The following CSMD3 variants were observed in gnomAD, a reference collection of about 807,000 sequenced individuals.
The protein encoded by CSMD3 is CUB and sushi domain-containing protein 3.
A neutral mutation model predicts 435.2 loss-of-function variants in CSMD3; 177 were observed. That is an observed-to-expected ratio of 0.41 (90% confidence interval 0.36 to 0.46). The LOEUF is 0.46. CSMD3 is among the 20% of genes least tolerant of loss of function. The pLI is 0.34. For synonymous variants in CSMD3, 1,656 were observed against 1,520.5 expected (o/e 1.09, Z -2.07); for missense variants, 4,265 against 4,504.6 (o/e 0.95, Z 1.52).
intron 13 of CSMD3, among the ~76,000 whole-genome samples, chr8:112,694,752 C>T (rs2076215238): frequency 6.6e-6 from 1 of 152,038 alleles, no homozygotes; most frequent in South Asian, 2.1e-4. Context: ...AATCACCATG[C>T]TATTGTGGAG....
intron 13 of CSMD3, among the ~76,000 whole-genome samples, chr8:112,735,454 A>T (rs2132031792): frequency 6.6e-6 from 1 of 152,174 alleles, no homozygotes; most frequent in South Asian, 2.1e-4. Flanking sequence ...GTTAATTGAA[A>T]GTATTCTGTA....
chr8:113,325,245 G>A (rs1483171413), intron 1 of CSMD3, among the ~76,000 whole-genome samples: 1 of 151,962 alleles, frequency 6.6e-6, no homozygotes, highest in Non-Finnish European at 1.5e-5. Flanking sequence ...AGGGGCCAGG[G>A]GCAGAAAAAT....
At chr8:112,410,428 A>T (rs890781262) in intron 32 of CSMD3, among the ~76,000 whole-genome samples, 1 of 148,854 alleles carries the variant, frequency 6.7e-6, no homozygotes, top group African/African-American at 2.5e-5. Flanking sequence ...AACATTTTGA[A>T]TTCAGACCTT....
intron 10 of CSMD3, among the ~76,000 whole-genome samples, chr8:112,909,597 A>C (rs2082352808): frequency 6.6e-6 from 1 of 151,730 alleles, no homozygotes; most frequent in South Asian, 2.1e-4. Context: ...TGGTTATTTA[A>C]TTTTCTTCTC....
chr8:112,660,332 T>C (rs1268028378), intron 17 of CSMD3, among the ~76,000 whole-genome samples: 1 of 152,186 alleles, frequency 6.6e-6, no homozygotes. Flanking sequence ...TTCAAAGTGA[T>C]TATTTTATGT....
At chr8:112,416,328 G>A (rs999380777) in intron 32 of CSMD3, among the ~76,000 whole-genome samples, 7 of 152,122 alleles carry the variant, frequency 4.6e-5, no homozygotes, top group African/African-American at 1.7e-4. Context: ...GAAAGTGCCT[G>A]CTTCTCCTTT....
intron 32 of CSMD3, among the ~76,000 whole-genome samples, chr8:112,453,662 A>G (rs1440932330): frequency 6.6e-6 from 1 of 152,228 alleles, no homozygotes; most frequent in Non-Finnish European, 1.5e-5. Flanking sequence ...TGGAAGGGTC[A>G]ATATTGTTAA....
At chr8:113,332,426 T>C (rs1331699337) in intron 1 of CSMD3, among the ~76,000 whole-genome samples, 4 of 151,210 alleles carry the variant, frequency 2.6e-5, no homozygotes, top group Non-Finnish European at 5.9e-5. Context: ...GAAAAACAAA[T>C]TCAGCAAGGT....
chr8:112,879,780 T>C (rs1323825050), intron 10 of CSMD3, among the ~76,000 whole-genome samples: 2 of 152,044 alleles, frequency 1.3e-5, no homozygotes, highest in Non-Finnish European at 2.9e-5. Flanking sequence ...GGGACATCAA[T>C]GAAGCTGGAA....
At chr8:112,603,470 A>T (rs1832538773) in intron 22 of CSMD3, among the ~76,000 whole-genome samples, 1 of 152,192 alleles carries the variant, frequency 6.6e-6, no homozygotes, top group Non-Finnish European at 1.5e-5. Context: ...TTATTACTCT[A>T]GTACAGTATG....
At chr8:112,497,790 A>C (rs1821514799) in intron 30 of CSMD3, among the ~76,000 whole-genome samples, 1 of 152,080 alleles carries the variant, frequency 6.6e-6, no homozygotes, top group Non-Finnish European at 1.5e-5. Flanking sequence ...ATTACAGAGG[A>C]AACATTTACC....
chr8:112,315,185 A>G (rs1563778301), intron 47 of CSMD3, among the ~76,000 whole-genome samples: 1 of 151,952 alleles, frequency 6.6e-6, no homozygotes, highest in Non-Finnish European at 1.5e-5. Flanking sequence ...TCTCCAGCCC[A>G]TAAATGTAGC....
intron 4 of CSMD3, among the ~76,000 whole-genome samples, chr8:113,120,145 A>G (rs2090946710): frequency 2.0e-5 from 3 of 152,048 alleles, no homozygotes; most frequent in African/African-American, 7.2e-5. Context: ...TGAGGTTATA[A>G]TGAATTCATC....
chr8:112,593,045 C>T (rs566183505), intron 22 of CSMD3, among the ~76,000 whole-genome samples: 15 of 152,174 alleles, frequency 9.9e-5, no homozygotes, highest in African/African-American at 2.2e-4. Context: ...TGGTTCCAAA[C>T]GTAATCAAAT....
In CSMD3 at chr8:112,381,597, T is replaced by C. The variant is rs573414073; in HGVS notation, c.6032-1141A>G. 2.6e-5 allele frequency among the ~76,000 whole-genome samples: 4 copies of C among 152,330 alleles called. 1 individual carries two copies. The South Asian group carries it at 8.3e-4, about 32-fold the overall frequency. On this transcript the variant is annotated intron_variant, in intron 37 of 70. Transcript: ENST00000297405. The stretch of plus-strand genomic sequence containing the variant: ...GCAACTTTGTGGACCTCACCCCTGA[T>C]GTCTTCTATGGAAGAACAGAAAGAA...
intron 1 of CSMD3, among the ~76,000 whole-genome samples, chr8:113,336,807 A>G (rs62521100): frequency 0.3 from 45,876 of 151,920 alleles, 8,033 homozygotes; most frequent in East Asian, 0.7. Flanking sequence ...CAGTGTTTAC[A>G]CTGACACTGC....
intron 1 of CSMD3, among the ~76,000 whole-genome samples, chr8:113,398,417 A>T (rs975804430): frequency 6.6e-6 from 1 of 152,132 alleles, no homozygotes; most frequent in African/African-American, 2.4e-5. Flanking sequence ...AATTACTGTA[A>T]CACTATAGTG....
At chr8:113,301,594 T>G (rs1248493549) in intron 2 of CSMD3, among the ~76,000 whole-genome samples, 1 of 152,030 alleles carries the variant, frequency 6.6e-6, no homozygotes, top group East Asian at 1.9e-4. Flanking sequence ...CTATACATTT[T>G]AGTTCTTCTA....
At chr8:112,270,719 T>A (rs902389666) in intron 59 of CSMD3, among the ~76,000 whole-genome samples, 1 of 152,256 alleles carries the variant, frequency 6.6e-6, no homozygotes, top group East Asian at 1.9e-4. Context: ...TAAGAAAACA[T>A]GCTCTAATAT....
Sources: allele counts gnomAD v4.1 joint callset (sites outside exome capture counted in the v4.1 genomes callset), GRCh38; gene constraint gnomAD v4.1.1; transcripts MANE v1.5; gene names NCBI Gene and HGNC (gene_info 2026-07-23, HGNC 2026-07-21).